Variants in JAZF1 observed in about 807,000 individuals in gnomAD.
The protein encoded by JAZF1 is juxtaposed with another zinc finger protein 1.
Under a neutral mutation model 26.4 loss-of-function variants are expected in JAZF1, and 8 were observed. The ratio of observed to expected loss-of-function variants is 0.30; its 90% CI spans 0.18 to 0.55. The LOEUF (loss-of-function observed/expected upper bound fraction) is 0.55, where lower values mean the gene tolerates loss of function less well. Ranked by LOEUF, JAZF1 falls within the 20% of genes least tolerant of loss-of-function variation. JAZF1 has a pLI of 0.94. For missense variants in JAZF1, 199 were observed against 322.0 expected (o/e 0.62, Z 2.92); for synonymous variants, 126 against 122.3 (o/e 1.03, Z -0.20).
intron 3 of JAZF1, among the ~76,000 whole-genome samples, chr7:27,845,612 G>A (rs529485531): frequency 3.3e-5 from 5 of 150,056 alleles, no homozygotes; most frequent in Admixed American, 6.7e-5. Flanking sequence ...CAGGAGAATC[G>A]CTTGAACCCG....
intron 3 of JAZF1, among the ~76,000 whole-genome samples, chr7:27,856,684 T>C (rs1322552954): frequency 6.6e-6 from 1 of 152,150 alleles, no homozygotes. Flanking sequence ...GATTGGTGTA[T>C]TTACAAACCC....
intron 1 of JAZF1, among the ~76,000 whole-genome samples, chr7:28,125,265 C>T (rs1782677323): frequency 6.6e-6 from 1 of 151,962 alleles, no homozygotes; most frequent in Admixed American, 6.6e-5. Context: ...GTTTTCCCCC[C>T]TAAAGCATTT....
intron 1 of JAZF1, among the ~76,000 whole-genome samples, chr7:28,037,379 TAGTATTATAAG>T (rs1562566267): frequency 6.6e-6 from 1 of 152,158 alleles, no homozygotes; most frequent in Non-Finnish European, 1.5e-5. Context: ...TTCATCTGTG[TAGTATTATAAG>T]AGTTTAGCAG....
chr7:27,966,092 A>C (rs1309496244), intron 2 of JAZF1, among the ~76,000 whole-genome samples: 5 of 152,226 alleles, frequency 3.3e-5, no homozygotes, highest in Non-Finnish European at 5.9e-5. Context: ...ATGCTTTATG[A>C]GCAGCATGCT....
At chr7:27,852,153 A>G (rs1433273128) in intron 3 of JAZF1, among the ~76,000 whole-genome samples, 1 of 144,834 alleles carries the variant, frequency 6.9e-6, no homozygotes, top group Non-Finnish European at 1.5e-5. Context: ...TTTCTTTGAG[A>G]TGGAATCTCA....
At chr7:27,938,136 A>G (rs1784785515) in intron 2 of JAZF1, among the ~76,000 whole-genome samples, 3 of 152,164 alleles carry the variant, frequency 2.0e-5, no homozygotes, top group African/African-American at 7.2e-5. Flanking sequence ...ATTCTTAACA[A>G]TTTCACAACC....
At chr7:28,020,385 T>C (rs570380521) in intron 1 of JAZF1, among the ~76,000 whole-genome samples, 3 of 151,978 alleles carry the variant, frequency 2.0e-5, no homozygotes, top group African/African-American at 7.2e-5. Context: ...ACAGGGAAAA[T>C]GAATCGGAAA....
chr7:27,845,711 A>AAAAAAAAAAAAAAAAAAAAAAG (rs1554328474), intron 3 of JAZF1, among the ~76,000 whole-genome samples: 1 of 137,672 alleles, frequency 7.3e-6, no homozygotes, highest in Non-Finnish European at 1.5e-5. Context: ...AAAAAAAAAA[A>AAAAAAAAAAAAAAAAAAAAAAG]AAAGAAAAGA....
intron 1 of JAZF1, among the ~76,000 whole-genome samples, chr7:28,029,290 A>G (rs1430372872): frequency 2.0e-5 from 3 of 152,236 alleles, no homozygotes; most frequent in African/African-American, 7.2e-5. Context: ...TTTAGTCAGA[A>G]AACTTAGGCA....
intron 2 of JAZF1, among the ~76,000 whole-genome samples, chr7:27,906,702 C>T (rs197): frequency 0.95 from 145,046 of 152,328 alleles, 69,170 homozygotes; most frequent in East Asian, 1. Flanking sequence ...TGAAAGCTAC[C>T]ATACCACAAG....
chr7:28,067,865 T>C, intron 1 of JAZF1, among the ~76,000 whole-genome samples: 1 of 152,150 alleles, frequency 6.6e-6, no homozygotes, highest in Non-Finnish European at 1.5e-5. Flanking sequence ...AGCCTCAGTC[T>C]CTCAGCCTAG....
intron 1 of JAZF1, among the ~76,000 whole-genome samples, chr7:28,015,050 T>TGTGTGTGTGG (rs1782863432): frequency 6.6e-6 from 1 of 151,634 alleles, no homozygotes; most frequent in African/African-American, 2.4e-5. Flanking sequence ...TGTGTGTGTG[T>TGTGTGTGTGG]GTGTGTGTGT....
chr7:28,027,950 T>A (rs1783120776), intron 1 of JAZF1, among the ~76,000 whole-genome samples: 1 of 152,220 alleles, frequency 6.6e-6, no homozygotes, highest in South Asian at 2.1e-4. Context: ...ATCAGAGTTA[T>A]GAAGGGACCC....
chr7:28,161,851 CTG>C, intron 1 of JAZF1, among the ~76,000 whole-genome samples: 1 of 152,276 alleles, frequency 6.6e-6, no homozygotes, highest in African/African-American at 2.4e-5. Context: ...GCAGGCCTGA[CTG>C]TGTGATCTTG....
intron 1 of JAZF1, among the ~76,000 whole-genome samples, chr7:28,144,249 G>A (rs1349024308): frequency 3.9e-5 from 6 of 152,132 alleles, no homozygotes; most frequent in Admixed American, 3.9e-4. Flanking sequence ...CCAGTAATAG[G>A]AATAAGATTA....
At chr7:28,100,191 G>T (rs1362258445) in intron 1 of JAZF1, among the ~76,000 whole-genome samples, 1 of 152,186 alleles carries the variant, frequency 6.6e-6, no homozygotes, top group Non-Finnish European at 1.5e-5. Context: ...CTTAATAAAT[G>T]AGAGTAATAC....
intron 2 of JAZF1, among the ~76,000 whole-genome samples, chr7:27,977,882 T>C (rs923610578): frequency 6.6e-6 from 1 of 152,216 alleles, no homozygotes. Context: ...TAGGTGATCA[T>C]GGGGCTCACC....
intron 1 of JAZF1, among the ~76,000 whole-genome samples, chr7:28,172,556 G>C (rs560891642): frequency 6.6e-6 from 1 of 152,134 alleles, no homozygotes; most frequent in Non-Finnish European, 1.5e-5. Flanking sequence ...GTATTATTGA[G>C]TATATTCCTA....
At chr7:28,176,249 G>T (rs1783550144) in intron 1 of JAZF1, among the ~76,000 whole-genome samples, 1 of 152,200 alleles carries the variant, frequency 6.6e-6, no homozygotes, top group African/African-American at 2.4e-5. Context: ...CAAAGCTGAG[G>T]ATCCTAACAT....
Sources: gnomAD v4.1 joint callset for allele counts (sites outside exome capture counted in the v4.1 genomes callset) on GRCh38, gnomAD v4.1.1 for gene constraint, MANE v1.5 for transcripts, NCBI Gene and HGNC (gene_info 2026-07-23, HGNC 2026-07-21) for gene names.